ERLIN1: variants seen among roughly 807,000 people sequenced by gnomAD.
ERLIN1 encodes erlin-1.
A neutral mutation model predicts 46.9 loss-of-function variants in ERLIN1; 24 were observed. The observed-to-expected ratio is 0.51, with a 90% CI of 0.37 to 0.72. The LOEUF is 0.72. Among genes scored for constraint, ERLIN1 ranks in the 30% least tolerant of loss-of-function variants. ERLIN1 has a pLI of 0.00. For synonymous variants in ERLIN1, 158 were observed against 143.2 expected, an observed-to-expected ratio of 1.10 and a Z score of -0.74; for missense variants, 293 against 417.9, an observed-to-expected ratio of 0.70 and a Z score of 2.61.
intron 6 of ERLIN1, among the ~76,000 whole-genome samples, chr10:100,169,859 A>C (rs748504692): frequency 1.3e-5 from 2 of 152,168 alleles, no homozygotes; most frequent in African/African-American, 4.8e-5. Flanking sequence ...CTCTACAAAA[A>C]ATAAAAAAAT....
At chr10:100,162,018 A>G (rs1843386570) in intron 8 of ERLIN1, among the ~76,000 whole-genome samples, 1 of 152,188 alleles carries the variant, frequency 6.6e-6, no homozygotes. Context: ...TTAAGATAGG[A>G]AAAGCACAAA....
At chr10:100,177,336 C>G (rs1309135861) in intron 4 of ERLIN1, among the ~76,000 whole-genome samples, 1 of 152,150 alleles carries the variant, frequency 6.6e-6, no homozygotes, top group African/African-American at 2.4e-5. Flanking sequence ...AATGCTTACT[C>G]TCTGAAAAAT....
chr10:100,169,784 T>C (rs1270290487), intron 6 of ERLIN1, among the ~76,000 whole-genome samples: 2 of 152,120 alleles, frequency 1.3e-5, no homozygotes, highest in Non-Finnish European at 2.9e-5. Context: ...ATTTTTAACT[T>C]ATATTGGAGG....
rs371568828 is a variant in ERLIN1 at position 100,152,256 on chromosome 10, C to T, written c.922G>A (p.Val308Met). The T allele has an allele frequency of 8.1e-6, 13 of 1,611,314 alleles. No individual in the cohort carries two copies. The highest frequency in any genetic ancestry group is 1.6e-4 in the Middle Eastern group (1 of 6,082). ...TATTTCAAAGCACATGAGGAGTCCACGAACATGTTAGGGATGTTGCTGCCA... is the reference window on the plus strand; with the variant it reads ...TATTTCAAAGCACATGAGGAGTCCATGAACATGTTAGGGATGTTGCTGCCA... ...YFGSNIPNMF[V>M]DSSCALKYSD... is the part of the protein sequence containing the mutation. The change falls in exon 11 of 11, where the codon GTG becomes ATG. Residue 308 changes from valine to methionine, a missense_variant. By Grantham distance (21) the Val-to-Met change is conservative (BLOSUM62 1). Coordinates refer to ENST00000421367, the MANE Select transcript of ERLIN1 (RefSeq NM_006459.4).
chr10:100,161,829 ATAAAC>A (rs1843378452), intron 8 of ERLIN1, among the ~76,000 whole-genome samples: 1 of 152,174 alleles, frequency 6.6e-6, no homozygotes, highest in South Asian at 2.1e-4. Flanking sequence ...AGAGGAAATA[ATAAAC>A]TATTCAATAA....
chr10:100,175,111 A>G (rs1306974835), intron 5 of ERLIN1, among the ~76,000 whole-genome samples: 1 of 152,214 alleles, frequency 6.6e-6, no homozygotes, highest in East Asian at 1.9e-4. Context: ...CCCTGGTCAG[A>G]ACTTCCACTA....
Position 100,176,045 on chromosome 10 carries a change from A to G in ERLIN1, c.330T>C (p.Thr110=). Reference sequence around the variant, plus strand: ...AGATTAAGGTCTTGTCATAATCTGCAGTATAGTTCCTCACGATATCAAACA... The same window carrying G: ...AGATTAAGGTCTTGTCATAATCTGCGGTATAGTTCCTCACGATATCAAACA... ...YAVFDIVRNY[T]ADYDKTLIFN... Residue 110 remains threonine (T), a synonymous_variant, in exon 5 of 11, where the codon ACT becomes ACC. Transcript: ENST00000421367. 1.9e-6 allele frequency: 3 copies of G among 1,612,908 alleles called. No homozygotes were observed. Among genetic ancestry groups the G allele is most frequent in the Non-Finnish European group, 2.5e-6 (3 of 1,179,240 alleles).
chr10:100,174,175 T>G (rs1292839588), intron 6 of ERLIN1, 33 bp downstream of exon 6: 1 of 1,397,780 alleles, frequency 7.2e-7, no homozygotes, highest in African/African-American at 1.4e-5. Context: ...GCTCTCAAAA[T>G]CCCCAGAGAA....
chr10:100,182,594 G>A (rs1844724169), intron 2 of ERLIN1, among the ~76,000 whole-genome samples: 2 of 152,160 alleles, frequency 1.3e-5, no homozygotes, highest in Non-Finnish European at 2.9e-5. Context: ...AAATATAAAT[G>A]TGTTACAACT....
At chr10:100,153,884 G>GT (rs1196776510) in intron 10 of ERLIN1, among the ~76,000 whole-genome samples, 5 of 152,088 alleles carry the variant, frequency 3.3e-5, no homozygotes, top group Admixed American at 1.3e-4. Flanking sequence ...CTATAGAACT[G>GT]TGTCTTTCAA....
intron 8 of ERLIN1, among the ~76,000 whole-genome samples, chr10:100,163,677 T>C (rs1017991663): frequency 1.3e-5 from 2 of 152,118 alleles, no homozygotes; most frequent in Non-Finnish European, 2.9e-5. Context: ...GAAACTTTGG[T>C]CAAAAAACTT....
chr10:100,157,032 C>CA (rs1041515248), intron 8 of ERLIN1, among the ~76,000 whole-genome samples: 9 of 151,038 alleles, frequency 6.0e-5, no homozygotes, highest in African/African-American at 1.9e-4. Flanking sequence ...AAAACAAAAA[C>CA]AAAAAAAAGA....
In ERLIN1 at chr10:100,150,782, C is replaced by T. The variant is rs958661400; in HGVS notation, c.*1349G>A. ...CTTAACAAGCTGCACAAACTCAGGC[C>T]GAACTACGCAGCACACTGCTCCAGA... On this transcript the variant is annotated 3_prime_UTR_variant, in exon 11 of 11. Transcript: ENST00000421367. 1 of 152,304 alleles carries T rather than the reference C, an allele frequency of 6.6e-6. No homozygotes were observed. The highest frequency in any genetic ancestry group is 2.1e-4 in the South Asian group (1 of 4,826). 9.4% of individuals were successfully genotyped at this position (152,304 alleles called of 1,614,324 possible).
At chr10:100,173,705 T>C (rs1305688792) in intron 6 of ERLIN1, among the ~76,000 whole-genome samples, 1 of 152,184 alleles carries the variant, frequency 6.6e-6, no homozygotes, top group Non-Finnish European at 1.5e-5. Flanking sequence ...ATCCAATTAA[T>C]TTTTCCAAAC....
chr10:100,183,566 T>G (rs1844782918), intron 2 of ERLIN1, among the ~76,000 whole-genome samples, 190 bp downstream of exon 2: 1 of 152,232 alleles, frequency 6.6e-6, no homozygotes, highest in African/African-American at 2.4e-5. Context: ...TTTAATTCAT[T>G]TCAAGTAAGT....
chr10:100,181,862 T>TGTTACC (rs1186596873), intron 2 of ERLIN1, among the ~76,000 whole-genome samples: 1 of 152,198 alleles, frequency 6.6e-6, no homozygotes, highest in Non-Finnish European at 1.5e-5. Flanking sequence ...TTTCCTAGAA[T>TGTTACC]GTTACCGTTT....
In ERLIN1 at chr10:100,153,991, C is replaced by A. The variant is rs1842937479; in HGVS notation, c.825+869G>T. 2.6e-5 allele frequency among the ~76,000 whole-genome samples: 4 copies of A among 152,240 alleles called. No individual in the cohort carries two copies. In the South Asian group the frequency reaches 8.3e-4, roughly 32 times the overall value. Reference sequence around the variant, plus strand: ...TCTTCTAAATACGGATTATGTTGTTCCTTTCTAAATTAAAAGCCCTGTCTA... The same window carrying A: ...TCTTCTAAATACGGATTATGTTGTTACTTTCTAAATTAAAAGCCCTGTCTA... On this transcript the variant is annotated intron_variant, in intron 10 of 10. Coordinates refer to ENST00000421367, the MANE Select transcript of ERLIN1 (RefSeq NM_006459.4).
chr10:100,153,408 G>A (rs1842909247), intron 10 of ERLIN1, among the ~76,000 whole-genome samples: 1 of 152,098 alleles, frequency 6.6e-6, no homozygotes, highest in African/African-American at 2.4e-5. Flanking sequence ...ATCTGGATTT[G>A]ATTAAAACCC....
At chr10:100,160,165 A>AT (rs781673951) in intron 8 of ERLIN1, among the ~76,000 whole-genome samples, 7 of 152,162 alleles carry the variant, frequency 4.6e-5, no homozygotes, top group Non-Finnish European at 8.8e-5. Context: ...CTATGAAAAT[A>AT]TAATTACCAA....
Sources: gnomAD v4.1 joint callset for allele counts (sites outside exome capture counted in the v4.1 genomes callset) on GRCh38, gnomAD v4.1.1 for gene constraint, MANE v1.5 for transcripts, NCBI Gene and HGNC (gene_info 2026-07-23, HGNC 2026-07-21) for gene names.